CTDSPL2: variants seen among roughly 807,000 people sequenced by gnomAD.
CTDSPL2 encodes CTD small phosphatase-like protein 2.
In CTDSPL2, 5 loss-of-function variants were observed where a neutral mutation model predicts 60.0. The observed-to-expected ratio is 0.08, with a 90% CI of 0.04 to 0.18. The LOEUF (loss-of-function observed/expected upper bound fraction) is 0.18, where lower values mean the gene tolerates loss of function less well. Ranked by LOEUF, CTDSPL2 falls within the 10% of genes least tolerant of loss-of-function variation. The pLI is 1.00. For synonymous variants in CTDSPL2, 186 were observed against 189.3 expected (o/e 0.98, Z 0.14); for missense variants, 370 against 548.8 (o/e 0.67, Z 3.26).
intron 1 of CTDSPL2, among the ~76,000 whole-genome samples, chr15:44,446,018 C>T (rs993850911): frequency 6.0e-5 from 9 of 151,024 alleles, no homozygotes; most frequent in East Asian, 3.9e-4. Flanking sequence ...CTCCACCTCC[C>T]GGGTGCAAGC....
At chr15:44,453,382 CATTA>C (rs1340276996) in intron 1 of CTDSPL2, among the ~76,000 whole-genome samples, 1 of 151,436 alleles carries the variant, frequency 6.6e-6, no homozygotes, top group African/African-American at 2.4e-5. Context: ...GCTTTTTCTG[CATTA>C]ATTGAGATGA....
chr15:44,445,006 AT>A (rs910912415), intron 1 of CTDSPL2, among the ~76,000 whole-genome samples: 8 of 149,410 alleles, frequency 5.4e-5, no homozygotes, highest in African/African-American at 1.5e-4. Flanking sequence ...CACCTGGCTA[AT>A]TTTTTTTATA....
At position 44,522,945 on chromosome 15, in the gene CTDSPL2, C is replaced by T. The variant is rs199574469; in HGVS notation, c.1336-1164C>T. On this transcript the variant is annotated intron_variant, in intron 12 of 12. Coordinates refer to ENST00000260327, the MANE Select transcript of CTDSPL2 (RefSeq NM_016396.3). ...ACCTGTCTTGGTTTGGCCTCTATTG[C>T]TTGATGAAACTTTGGCAGGATGTAG... Among the ~76,000 whole-genome samples, 11 of 152,184 alleles carry T rather than the reference C, an allele frequency of 7.2e-5. No individual in the cohort carries two copies. The East Asian group carries it at 2.1e-3, about 30-fold the overall frequency.
At chr15:44,502,800 G>A (rs2081401600) in intron 8 of CTDSPL2, among the ~76,000 whole-genome samples, 1 of 152,082 alleles carries the variant, frequency 6.6e-6, no homozygotes, top group African/African-American at 2.4e-5. Context: ...CAGTAATCTG[G>A]TTGTGGGCCT....
At chr15:44,486,805 A>G in intron 4 of CTDSPL2, 105 bp downstream of exon 4, 2 of 827,846 alleles carry the variant, frequency 2.4e-6, no homozygotes, top group Non-Finnish European at 3.6e-6. Context: ...TTTGTTGCCC[A>G]GGCTGGAGTG....
chr15:44,472,543 GT>G (rs58034708), intron 2 of CTDSPL2, among the ~76,000 whole-genome samples: 94 of 139,070 alleles, frequency 6.8e-4, no homozygotes, highest in East Asian at 6.2e-3. Context: ...GTAAGAGGTG[GT>G]TTTTTTTTTT....
chr15:44,440,314 G>T (rs901902289), intron 1 of CTDSPL2, among the ~76,000 whole-genome samples: 1 of 151,534 alleles, frequency 6.6e-6, no homozygotes, highest in Non-Finnish European at 1.5e-5. Flanking sequence ...TCCTGCCTCA[G>T]CCTCCGGAGT....
At position 44,528,698 on chromosome 15, in the gene CTDSPL2, TTATA is replaced by T. The variant is rs1417357737; in HGVS notation, c.*4530_*4533del. The T allele has an allele frequency of 6.6e-6, 1 of 152,122 alleles. No homozygotes were observed. The highest frequency in any genetic ancestry group is 1.5e-5 in the Non-Finnish European group (1 of 68,014). 9.4% of individuals were successfully genotyped at this position (152,122 alleles called of 1,614,324 possible). A position where few individuals can be genotyped will look rare whatever the true frequency, so the allele number is the denominator to read the frequency against. On this transcript the variant is annotated 3_prime_UTR_variant, in exon 13 of 13. Coordinates refer to ENST00000260327, the MANE Select transcript of CTDSPL2 (RefSeq NM_016396.3). ...AAGGACATGTCCCTGAATGAGACCA[TTATA>T]TATATTATCTGTAAAATATTTCACT...
intron 2 of CTDSPL2, among the ~76,000 whole-genome samples, chr15:44,475,933 ATT>A (rs890722093): frequency 6.6e-6 from 1 of 152,094 alleles, no homozygotes; most frequent in African/African-American, 2.4e-5. Flanking sequence ...TCTGGAATAG[ATT>A]TACTGCTTTG....
At chr15:44,441,654 G>A (rs867126928) in intron 1 of CTDSPL2, among the ~76,000 whole-genome samples, 2 of 152,126 alleles carry the variant, frequency 1.3e-5, no homozygotes, top group Non-Finnish European at 2.9e-5. Context: ...CTCCTAGGAA[G>A]GGGTTGTATT....
At chr15:44,487,839 G>T (rs1208848505) in intron 4 of CTDSPL2, among the ~76,000 whole-genome samples, 1 of 152,142 alleles carries the variant, frequency 6.6e-6, no homozygotes, top group African/African-American at 2.4e-5. Context: ...GAATAGGCCG[G>T]GCACCGTGGC....
At chr15:44,484,040 A>C (rs2081076294) in intron 2 of CTDSPL2, among the ~76,000 whole-genome samples, 184 bp from the exon 3 acceptor site, 1 of 152,220 alleles carries the variant, frequency 6.6e-6, no homozygotes, top group Non-Finnish European at 1.5e-5. Flanking sequence ...TTGTAATTGC[A>C]TTCATGTTCT....
chr15:44,466,708 G>A (rs144390683), intron 2 of CTDSPL2, among the ~76,000 whole-genome samples: 4,560 of 152,030 alleles, frequency 0.03, 246 homozygotes, highest in African/African-American at 0.1. Flanking sequence ...ACTTTGGGAG[G>A]CCGAGGCGGG....
intron 1 of CTDSPL2, among the ~76,000 whole-genome samples, chr15:44,430,262 C>T (rs2079830262): frequency 6.6e-6 from 1 of 151,960 alleles, no homozygotes. Flanking sequence ...AGTAAAATGG[C>T]ATTTATTTTT....
chr15:44,446,994 C>T (rs1016202243), intron 1 of CTDSPL2, among the ~76,000 whole-genome samples: 5 of 151,998 alleles, frequency 3.3e-5, no homozygotes, highest in African/African-American at 1.2e-4. Flanking sequence ...ACCTCGTGAG[C>T]CACTGCACCC....
rs35160726 is a variant in CTDSPL2 at position 44,444,836 on chromosome 15, G to GTTTT, written c.-24-14128_-24-14125dup. Among the ~76,000 whole-genome samples the GTTTT allele has an allele frequency of 4.1e-3, 288 of 69,618 alleles. 64 individuals carry two copies. Among genetic ancestry groups the GTTTT allele is most frequent in the East Asian group, 0.016 (26 of 1,608 alleles). The allele number at this position is 69,618 out of a possible 152,430, so 45.7% of individuals were successfully genotyped here. A position where few individuals can be genotyped will look rare whatever the true frequency, so the allele number is the denominator to read the frequency against. The stretch of plus-strand genomic sequence containing the variant: ...GCCTGGTGTTGAGATATGGAATGTA[G>GTTTT]TTTTTTTTTTTTTTTTTTTTTTTTT... On this transcript the variant is annotated intron_variant, in intron 1 of 12. Transcript: ENST00000260327.
chr15:44,524,028 C>A, intron 12 of CTDSPL2, 81 bp from the exon 13 acceptor site: 1 of 1,087,224 alleles, frequency 9.2e-7, no homozygotes, highest in Non-Finnish European at 1.4e-6. Flanking sequence ...TATGTTTTCT[C>A]TGCAAGGTAA....
chr15:44,496,662 A>G (rs1035071422), intron 6 of CTDSPL2, among the ~76,000 whole-genome samples: 2 of 152,094 alleles, frequency 1.3e-5, no homozygotes, highest in African/African-American at 4.8e-5. Context: ...GGAGTTCAAG[A>G]CCAACCTGGG....
At chr15:44,475,496 G>A (rs2080897479) in intron 2 of CTDSPL2, among the ~76,000 whole-genome samples, 1 of 152,020 alleles carries the variant, frequency 6.6e-6, no homozygotes, top group African/African-American at 2.4e-5. Flanking sequence ...AAAATTAGCT[G>A]GGTGTGGTGG....
Sources: allele counts gnomAD v4.1 joint callset (sites outside exome capture counted in the v4.1 genomes callset), GRCh38; gene constraint gnomAD v4.1.1; transcripts MANE v1.5; gene names NCBI Gene and HGNC (gene_info 2026-07-23, HGNC 2026-07-21).